MAGI1: variants seen among roughly 807,000 people sequenced by gnomAD.
MAGI1 encodes membrane-associated guanylate kinase, WW and PDZ domain-containing protein 1.
MAGI1 carries 58 observed loss-of-function variants against 139.9 expected under a neutral mutation model. The ratio of observed to expected loss-of-function variants is 0.41; its 90% confidence interval spans 0.34 to 0.52. MAGI1 has a LOEUF of 0.52. Among genes scored for constraint, MAGI1 ranks in the 20% least tolerant of loss-of-function variants. The pLI, the probability that MAGI1 is intolerant of heterozygous loss-of-function variation, is 0.12. For missense variants in MAGI1, 1,874 were observed against 1,901.6 expected (o/e 0.99, Z 0.27); for synonymous variants, 812 against 737.9 (o/e 1.10, Z -1.63).
chr3:65,461,884 A>G (rs1469566191), intron 5 of MAGI1, among the ~76,000 whole-genome samples: 1 of 152,022 alleles, frequency 6.6e-6, no homozygotes, highest in African/African-American at 2.4e-5. Context: ...AGTGATGATG[A>G]GCTTTTTTTC....
intron 2 of MAGI1, among the ~76,000 whole-genome samples, chr3:65,611,699 A>G (rs1280591655): frequency 7.2e-6 from 1 of 139,032 alleles, no homozygotes; most frequent in Admixed American, 7.1e-5. Flanking sequence ...ACATGTGTAT[A>G]TACAGTATAT....
intron 3 of MAGI1, among the ~76,000 whole-genome samples, chr3:65,487,404 T>C (rs935814672): frequency 6.6e-6 from 1 of 152,192 alleles, no homozygotes. Context: ...CACAAACTAG[T>C]AACTGAGGCT....
chr3:65,723,129 G>A (rs189498104), intron 1 of MAGI1, among the ~76,000 whole-genome samples: 4 of 152,306 alleles, frequency 2.6e-5, no homozygotes, highest in Admixed American at 1.3e-4. Flanking sequence ...ACCTGCCTTA[G>A]AGTCTGAACT....
intron 2 of MAGI1, among the ~76,000 whole-genome samples, chr3:65,519,259 C>T (rs763175088): frequency 1.2e-4 from 18 of 151,512 alleles, no homozygotes; most frequent in South Asian, 2.1e-4. Flanking sequence ...AGATAGAGGC[C>T]ACCATAAGGA....
At chr3:65,456,270 G>A (rs933951699) in intron 5 of MAGI1, among the ~76,000 whole-genome samples, 1 of 152,010 alleles carries the variant, frequency 6.6e-6, no homozygotes, top group Non-Finnish European at 1.5e-5. Context: ...TTTTCCCTAG[G>A]GCTGAACTAA....
At position 65,893,463 on chromosome 3, in the gene MAGI1, C is replaced by G. The variant is rs76406071; in HGVS notation, c.313+144533G>C. Among the ~76,000 whole-genome samples the G allele has an allele frequency of 7.3e-3, 1,103 of 152,062 alleles. 13 individuals are homozygous for G. The highest frequency in any genetic ancestry group is 0.025 in the African/African-American group (1,046 of 41,498). On this transcript the variant is annotated intron_variant, in intron 1 of 22. Transcript: ENST00000402939. ...AACGTTAAGTTTCTTCATGCATTCTCAAAAATCCAACAATATAGTTTAATA... is the reference window on the plus strand; with the variant it reads ...AACGTTAAGTTTCTTCATGCATTCTGAAAAATCCAACAATATAGTTTAATA...
At chr3:65,424,347 G>A (rs1946853119) in intron 12 of MAGI1, among the ~76,000 whole-genome samples, 1 of 152,104 alleles carries the variant, frequency 6.6e-6, no homozygotes, top group Non-Finnish European at 1.5e-5. Flanking sequence ...AATTTATTCA[G>A]CTATGACTTA....
chr3:65,734,570 G>GGAGAGAGA (rs143441869), intron 1 of MAGI1, among the ~76,000 whole-genome samples: 2 of 145,942 alleles, frequency 1.4e-5, no homozygotes, highest in African/African-American at 5.1e-5. Flanking sequence ...AGAGAGAGAG[G>GGAGAGAGA]GAGAGAGAGA....
At chr3:65,683,815 G>T (rs1454327593) in intron 1 of MAGI1, among the ~76,000 whole-genome samples, 1 of 151,962 alleles carries the variant, frequency 6.6e-6, no homozygotes, top group Admixed American at 6.6e-5. Flanking sequence ...TGGCAAGGAT[G>T]TGAAAAATCT....
chr3:65,479,220 C>T (rs1218023036), intron 3 of MAGI1, among the ~76,000 whole-genome samples: 1 of 152,204 alleles, frequency 6.6e-6, no homozygotes, highest in Non-Finnish European at 1.5e-5. Context: ...GTTGAGGTCA[C>T]TTTCCCTTAA....
intron 1 of MAGI1, among the ~76,000 whole-genome samples, chr3:65,958,302 A>G (rs1023211868): frequency 6.6e-6 from 1 of 152,240 alleles, no homozygotes; most frequent in Admixed American, 6.5e-5. Context: ...ACATGCAGGA[A>G]CAACTCTATG....
chr3:65,766,502 G>A (rs961158122), intron 1 of MAGI1, among the ~76,000 whole-genome samples: 7 of 152,134 alleles, frequency 4.6e-5, no homozygotes, highest in Non-Finnish European at 8.8e-5. Context: ...GACCTCAGGT[G>A]ATCCGCTTGC....
At position 65,375,804 on chromosome 3, in the gene MAGI1, A is replaced by G; in HGVS notation, c.3137T>C (p.Ile1046Thr). Residue 1046 changes from isoleucine to threonine, a missense_variant, in exon 18 of 23, where the codon ATT becomes ACT. By Grantham distance (89) the Ile-to-Thr change is moderately conservative (BLOSUM62 -1). This residue lies in a region of MAGI1 where 653 missense variants were observed against 644.5 expected (regional missense o/e 1.01). Coordinates refer to ENST00000402939, the MANE Select transcript of MAGI1 (RefSeq NM_001033057.2). ...CSITNKSHSD[I>T]VNLIKEAGNT... ...TCCCGCTTCCTTGATTAGGTTCACA[A>G]TGTCTGAATGGGATTTGTTGGTGAT... 3 of 1,614,016 alleles carry G rather than the reference A, an allele frequency of 1.9e-6. No homozygotes were observed. Among genetic ancestry groups the G allele is most frequent in the Non-Finnish European group, 2.5e-6 (3 of 1,179,994 alleles).
intron 2 of MAGI1, among the ~76,000 whole-genome samples, chr3:65,504,269 T>C (rs2077192851): frequency 6.6e-6 from 1 of 152,226 alleles, no homozygotes; most frequent in Non-Finnish European, 1.5e-5. Flanking sequence ...TACATTCATG[T>C]GCAAGGATAC....
At chr3:65,965,601 A>C (rs1381187306) in intron 1 of MAGI1, among the ~76,000 whole-genome samples, 1 of 152,178 alleles carries the variant, frequency 6.6e-6, no homozygotes, top group Non-Finnish European at 1.5e-5. Context: ...AAAGGAATGA[A>C]TTTGAACTGA....
At position 65,429,842 on chromosome 3, in the gene MAGI1, G is replaced by A. The variant is rs766859969; in HGVS notation, c.1845C>T (p.Asp615=). 23 of 1,613,902 alleles carry A rather than the reference G, an allele frequency of 1.4e-5. No homozygotes were observed. Among genetic ancestry groups the A allele is most frequent in the South Asian group, 2.2e-5 (2 of 91,086 alleles). The change falls in exon 12 of 23, where the codon GAC becomes GAT. Residue 615 remains aspartate (D), a synonymous_variant. Coordinates refer to ENST00000402939, the MANE Select transcript of MAGI1 (RefSeq NM_001033057.2). The part of the protein sequence containing the change: ...MKDARPSSPA[D]VASNSSHGYP... ...AACCATGAGAACTATTTGAAGCCAC[G>A]TCCGCTGGGCTGCTTGGCCTGGCAT... is the stretch of plus-strand genomic sequence containing the variant.
chr3:65,860,466 G>A (rs2059518191), intron 1 of MAGI1, among the ~76,000 whole-genome samples: 1 of 152,198 alleles, frequency 6.6e-6, no homozygotes, highest in African/African-American at 2.4e-5. Context: ...AGGCAGAGTT[G>A]ATCAGGGGCA....
intron 1 of MAGI1, among the ~76,000 whole-genome samples, chr3:65,891,884 TAATATATATATATATATATA>T (rs1393260145): frequency 1.9e-4 from 16 of 85,854 alleles, no homozygotes; most frequent in African/African-American, 6.7e-4. Context: ...ACTTAAAGTA[TAATATATATATATATATATA>T]TATATATATA....
intron 1 of MAGI1, among the ~76,000 whole-genome samples, chr3:65,958,870 C>A (rs1339934456): frequency 6.6e-6 from 1 of 152,064 alleles, no homozygotes; most frequent in African/African-American, 2.4e-5. Context: ...GCCTGTAATC[C>A]CAGCTCCTGG....
Sources: gnomAD v4.1 joint callset for allele counts (sites outside exome capture counted in the v4.1 genomes callset) on GRCh38, gnomAD v4.1.1 for gene constraint, gnomAD v4.1.1 regional missense constraint, MANE v1.5 for transcripts, NCBI Gene and HGNC (gene_info 2026-07-23, HGNC 2026-07-21) for gene names.